MED6: variants seen among roughly 807,000 people sequenced by gnomAD.
MED6 encodes mediator complex subunit 6, also known as mediator of RNA polymerase II transcription subunit 6.
Under a neutral mutation model 37.5 loss-of-function variants are expected in MED6, and 33 were observed. That is an observed-to-expected ratio of 0.88 (90% confidence interval 0.67 to 1.18). The LOEUF (loss-of-function observed/expected upper bound fraction) is 1.18, where lower values mean the gene tolerates loss of function less well. MED6 is among the 50% of genes most tolerant of loss of function. The pLI, the probability that MED6 is intolerant of heterozygous loss-of-function variation, is 0.00. For missense variants in MED6, 235 were observed against 290.6 expected (o/e 0.81, Z 1.39); for synonymous variants, 94 against 93.6 (o/e 1.00, Z -0.02).
chr14:70,592,861 G>A lies in MED6; in HGVS notation c.466+19C>T, dbSNP rs1187408068. On this transcript the variant is annotated intron_variant, in intron 5 of 7. Coordinates refer to ENST00000256379, the MANE Select transcript of MED6 (RefSeq NM_005466.4). ...GAGGATCAAAAAGTGTTTTAGGAGG[G>A]TATGGATGTTCTACTTACCTTGCTC... 1 of 1,612,664 alleles carries A rather than the reference G, an allele frequency of 6.2e-7. No individual in the cohort carries two copies. The highest frequency in any genetic ancestry group is 1.7e-5 in the Admixed American group (1 of 59,922).
chr14:70,600,485 G>T, intron 1 of MED6, 131 bp downstream of exon 1: 3 of 963,096 alleles, frequency 3.1e-6, no homozygotes, highest in Non-Finnish European at 4.7e-6. Context: ...ACAGCCTTGG[G>T]TTGTCCACAA....
rs1337906501 is a variant in MED6, at chr14:70,584,408, T to C, written c.*405A>G. 3 of 375,178 alleles carry C rather than the reference T, an allele frequency of 8.0e-6. No homozygotes were observed. Among genetic ancestry groups the C allele is most frequent in the East Asian group, 5.0e-5 (1 of 20,170 alleles). The allele number at this position is 375,178 out of a possible 1,614,324, so 23.2% of individuals were successfully genotyped here. ...CTTCTTTTTTGAGACAAAGTCTCGC[T>C]CTGTCGCCCAAGCTGGAGTGCAACA... On this transcript the variant is annotated 3_prime_UTR_variant, in exon 8 of 8. Coordinates refer to ENST00000256379, the MANE Select transcript of MED6 (RefSeq NM_005466.4).
Position 70,584,948 on chromosome 14 carries a change from A to G in MED6, c.611-5T>C, listed in dbSNP as rs780950430. 6.2e-7 allele frequency: 1 copy of G among 1,611,684 alleles called. No homozygotes were observed. Among genetic ancestry groups the G allele is most frequent in the Non-Finnish European group, 8.5e-7 (1 of 1,179,352 alleles). ...CCTCTTTCTTTGTTTGATCCACTAG[A>G]TATCAAAAGTAGATTTTTTGGGAGG... On this transcript the variant is annotated splice_polypyrimidine_tract_variant and splice_region_variant and intron_variant, in intron 7 of 7. Coordinates refer to ENST00000256379, the MANE Select transcript of MED6 (RefSeq NM_005466.4).
chr14:70,585,763 A>G lies in MED6; in HGVS notation c.603T>C (p.Pro201=). The G allele has an allele frequency of 1.2e-6, 2 of 1,602,468 alleles. No individual in the cohort carries two copies. The highest frequency in any genetic ancestry group is 1.1e-5 in the South Asian group (1 of 88,062). ...ATATTACATGAACCATACCTGGAAC[A>G]GGCTTTTCTCCAGGCTTTAGCTATA... ...KFVQLKPGEK[P]VPVDQTKKEA... The change falls in exon 7 of 8, where the codon CCT becomes CCC. Residue 201 remains proline (P), a synonymous_variant. Coordinates refer to ENST00000256379, the MANE Select transcript of MED6 (RefSeq NM_005466.4).
rs1884620706 is a variant in MED6, at chr14:70,583,936, A to T, written c.*877T>A. On this transcript the variant is annotated 3_prime_UTR_variant, in exon 8 of 8. Coordinates refer to ENST00000256379, the MANE Select transcript of MED6 (RefSeq NM_005466.4). ...GGAGCCAATCAATGCTGGACTTCTCAGCCTCCATAACTTTAAAAAAAATAA... is the reference window on the plus strand; with the variant it reads ...GGAGCCAATCAATGCTGGACTTCTCTGCCTCCATAACTTTAAAAAAAATAA... 4.6e-6 allele frequency: 2 copies of T among 439,260 alleles called. No individual in the cohort carries two copies. The highest frequency in any genetic ancestry group is 8.0e-6 in the Non-Finnish European group (2 of 250,006). The allele number at this position is 439,260 out of a possible 1,614,324, so 27.2% of individuals were successfully genotyped here. A position where few individuals can be genotyped will look rare whatever the true frequency, so the allele number is the denominator to read the frequency against.
chr14:70,594,564 A>G, intron 3 of MED6: 1 of 405,412 alleles, frequency 2.5e-6, no homozygotes, highest in African/African-American at 2.1e-5. Flanking sequence ...GAGTTTCACC[A>G]CTCACTCCAC....
Position 70,597,733 on chromosome 14 carries a change from T to G in MED6, c.67A>C (p.Ile23Leu), listed in dbSNP as rs188112044. 3 of 1,557,600 alleles carry G rather than the reference T, an allele frequency of 1.9e-6. No homozygotes were observed. Among genetic ancestry groups the G allele is most frequent in the Non-Finnish European group, 2.6e-6 (3 of 1,162,848 alleles). Residue 23 changes from isoleucine to leucine, a missense_variant, in exon 2 of 8, where the codon ATT becomes CTT. Transcript: ENST00000256379. ...TCCAGGACACTACCACTGTTCAAAA[T>G]AGGGATCCAAGAGCTGTCAACCCAA... ...ISWVDSSWIP[I>L]LNSGSVLDYF...
In MED6 at chr14:70,584,469, G is replaced by A. The variant is rs964008561; in HGVS notation, c.*344C>T. The A allele has an allele frequency of 4.8e-5, 15 of 311,180 alleles. No homozygotes were observed. The highest frequency in any genetic ancestry group is 1.5e-4 in the African/African-American group (7 of 46,032). The allele number at this position is 311,180 out of a possible 1,614,324, so 19.3% of individuals were successfully genotyped here. A position where few individuals can be genotyped will look rare whatever the true frequency, so the allele number is the denominator to read the frequency against. On this transcript the variant is annotated 3_prime_UTR_variant, in exon 8 of 8. Transcript: ENST00000256379. ...CAGCTCAGGGCAACCTCCACCTCCCGGGTTCAAGCAAGTCTCCTGTCTCAG... is the reference window on the plus strand; with the variant it reads ...CAGCTCAGGGCAACCTCCACCTCCCAGGTTCAAGCAAGTCTCCTGTCTCAG...
chr14:70,598,281 G>C (rs1332514007), intron 1 of MED6, among the ~76,000 whole-genome samples: 1 of 152,008 alleles, frequency 6.6e-6, no homozygotes, highest in South Asian at 2.1e-4. Flanking sequence ...TGAGCAACAA[G>C]AGTGAAACTC....
Position 70,591,737 on chromosome 14 carries a change from T to G in MED6, c.467-356A>C, listed in dbSNP as rs189950034. 1,157 of 168,532 alleles carry G rather than the reference T, an allele frequency of 6.9e-3. 10 individuals carry two copies. The highest frequency in any genetic ancestry group is 0.035 in the South Asian group (224 of 6,448). The allele number at this position is 168,532 out of a possible 1,614,324, so 10.4% of individuals were successfully genotyped here. A position where few individuals can be genotyped will look rare whatever the true frequency, so the allele number is the denominator to read the frequency against. ...TTGAAATTACCTTTGTTATTTTAAG[T>G]GTATTAAATGGTCTTTTCTCACAAA... On this transcript the variant is annotated intron_variant, in intron 5 of 7. Transcript: ENST00000256379.
intron 5 of MED6, 93 bp downstream of exon 5, chr14:70,592,787 T>C: frequency 1.4e-6 from 2 of 1,417,744 alleles, no homozygotes; most frequent in Non-Finnish European, 1.9e-6. Context: ...TGAAACACAC[T>C]TAGAAAAGAT....
rs937544325 is a variant in MED6, at chr14:70,584,698, C to T, written c.*115G>A. The T allele has an allele frequency of 1.9e-5, 25 of 1,328,854 alleles. No homozygotes were observed. Among genetic ancestry groups the T allele is most frequent in the African/African-American group, 1.6e-4 (11 of 66,820 alleles). 82.3% of individuals were successfully genotyped at this position (1,328,854 alleles called of 1,614,324 possible). ...GCCTAATATCCTTTCAAAAAATAAG[C>T]GCATTCCATACAAATAAGAAGGTTA... On this transcript the variant is annotated 3_prime_UTR_variant, in exon 8 of 8. Transcript: ENST00000256379.
chr14:70,594,861 G>A (rs1466599951), intron 3 of MED6: 2 of 667,006 alleles, frequency 3.0e-6, no homozygotes, highest in East Asian at 3.2e-5. Flanking sequence ...TGAGGAGCCT[G>A]GAGACCGAGA....
At chr14:70,596,816 C>T (rs1885062074) in intron 2 of MED6, 114 bp from the exon 3 acceptor site, 3 of 721,822 alleles carry the variant, frequency 4.2e-6, no homozygotes, top group South Asian at 4.1e-5. Context: ...ATTAAAACTG[C>T]CTATGTTTGG....
At chr14:70,594,892 A>G (rs142430018) in intron 3 of MED6, 2 of 632,270 alleles carry the variant, frequency 3.2e-6, no homozygotes, top group African/African-American at 1.8e-5. Flanking sequence ...AGAGAGCAAA[A>G]TCCAGGAGCA....
chr14:70,586,954 T>G (rs1884726426), intron 6 of MED6, among the ~76,000 whole-genome samples: 1 of 152,208 alleles, frequency 6.6e-6, no homozygotes, highest in African/African-American at 2.4e-5. Context: ...CACCATTCCC[T>G]GGTAATAGTG....
At chr14:70,593,116 G>A in intron 4 of MED6, 128 bp from the exon 5 acceptor site, 1 of 1,359,750 alleles carries the variant, frequency 7.4e-7, no homozygotes, top group Non-Finnish European at 1.0e-6. Context: ...CTATATAATT[G>A]AGACTATGAA....
At chr14:70,600,073 C>T (rs1053707703) in intron 1 of MED6, among the ~76,000 whole-genome samples, 2 of 152,064 alleles carry the variant, frequency 1.3e-5, no homozygotes, top group African/African-American at 2.4e-5. Context: ...TATTTGAGTA[C>T]TTCTGCAGTT....
intron 1 of MED6, among the ~76,000 whole-genome samples, chr14:70,599,158 A>G (rs1016770694): frequency 6.6e-6 from 1 of 152,246 alleles, no homozygotes; most frequent in African/African-American, 2.4e-5. Context: ...TCATTACCTC[A>G]GGCATCTTCA....
Sources: allele counts gnomAD v4.1 joint callset (sites outside exome capture counted in the v4.1 genomes callset), GRCh38; gene constraint gnomAD v4.1.1; transcripts MANE v1.5; gene names NCBI Gene and HGNC (gene_info 2026-07-23, HGNC 2026-07-21).